Variants in MEF2A observed in about 807,000 individuals in gnomAD.
MEF2A encodes the protein myocyte-specific enhancer factor 2A.
MEF2A carries 28 observed loss-of-function variants against 55.8 expected under a neutral mutation model. The ratio of observed to expected loss-of-function variants is 0.50; its 90% confidence interval spans 0.37 to 0.69. MEF2A has a LOEUF of 0.69. Among genes scored for constraint, MEF2A ranks in the 30% least tolerant of loss-of-function variants. The pLI is 0.00. For missense variants in MEF2A, 528 were observed against 626.2 expected, an observed-to-expected ratio of 0.84 and a Z score of 1.67; for synonymous variants, 239 against 227.1, an observed-to-expected ratio of 1.05 and a Z score of -0.47.
At chr15:99,674,335 T>G (rs1434588841) in intron 5 of MEF2A, 58 bp from the exon 6 acceptor site, 6 of 1,479,910 alleles carry the variant, frequency 4.1e-6, no homozygotes, top group Non-Finnish European at 5.5e-6. Flanking sequence ...AGTTCAAAAG[T>G]TACTTTGTAG....
At chr15:99,675,583 A>G in intron 7 of MEF2A, 125 bp downstream of exon 7, 1 of 752,438 alleles carries the variant, frequency 1.3e-6, no homozygotes, top group East Asian at 2.6e-5. Context: ...TAATACATCA[A>G]GATAATTTCT....
At chr15:99,652,516 G>A (rs1239654171) in intron 4 of MEF2A, among the ~76,000 whole-genome samples, 1 of 152,094 alleles carries the variant, frequency 6.6e-6, no homozygotes, top group Non-Finnish European at 1.5e-5. Flanking sequence ...TAGGTCAGAG[G>A]GGCAGCTTAT....
chr15:99,579,445 A>G (rs546979793), intron 1 of MEF2A, among the ~76,000 whole-genome samples: 1 of 151,982 alleles, frequency 6.6e-6, no homozygotes, highest in Non-Finnish European at 1.5e-5. Flanking sequence ...CCCAGGCTGG[A>G]ATGCAGTGGC....
chr15:99,694,036 G>C (rs1178544516), intron 8 of MEF2A, among the ~76,000 whole-genome samples: 1 of 152,150 alleles, frequency 6.6e-6, no homozygotes, highest in African/African-American at 2.4e-5. Flanking sequence ...AATTTATTCA[G>C]ATTTACTTAT....
chr15:99,682,611 A>C lies in MEF2A; in HGVS notation c.670+7153A>C, dbSNP rs111863314. Among the ~76,000 whole-genome samples, 1,437 of 152,318 alleles carry C rather than the reference A, an allele frequency of 9.4e-3. 19 individuals are homozygous for C. The highest frequency in any genetic ancestry group is 0.031 in the African/African-American group (1,295 of 41,562). The stretch of plus-strand genomic sequence containing the variant: ...GTGCATAGGAGATTCTCTTAGCTTC[A>C]GCCTGGCAAGTTACCAAACACTTAC... On this transcript the variant is annotated intron_variant, in intron 7 of 11. Coordinates refer to ENST00000557942, the MANE Select transcript of MEF2A (RefSeq NM_001319206.4).
At chr15:99,602,755 CGTGTGTGTGTGTGTGTGTGTGTGTGT>C (rs58540017) in intron 2 of MEF2A, among the ~76,000 whole-genome samples, 1 of 16,714 alleles carries the variant, frequency 6.0e-5, no homozygotes, top group African/African-American at 2.2e-4. Flanking sequence ...GGGAGCTTTT[CGTGTGTGTGTGTGTGTGTGTGTGTGT>C]GTGTGTGTGT....
intron 1 of MEF2A, among the ~76,000 whole-genome samples, chr15:99,567,081 G>A (rs1252125122): frequency 1.3e-5 from 2 of 152,240 alleles, no homozygotes; most frequent in Non-Finnish European, 2.9e-5. Context: ...TGTAACTATA[G>A]AATTGTTGCT....
rs533318812 is a variant in MEF2A at position 99,574,337 on chromosome 15, A to G, written c.-225+8233A>G. Among the ~76,000 whole-genome samples, 4 of 152,266 alleles carry G rather than the reference A, an allele frequency of 2.6e-5. No homozygotes were observed. In the South Asian group the frequency reaches 8.3e-4, roughly 32 times the overall value. ...CAGTTTCGTGGAAGACAATTTTTCC[A>G]TGAATGGTGGGGGGAGGGGATGGTT... is the stretch of plus-strand genomic sequence containing the variant. On this transcript the variant is annotated intron_variant, in intron 1 of 11. Coordinates refer to ENST00000557942, the MANE Select transcript of MEF2A (RefSeq NM_001319206.4).
chr15:99,708,376 G>A (rs867094300), intron 10 of MEF2A, among the ~76,000 whole-genome samples: 2 of 152,156 alleles, frequency 1.3e-5, no homozygotes, highest in Non-Finnish European at 2.9e-5. Flanking sequence ...TTTCATTACA[G>A]GTTTTTCAGT....
intron 3 of MEF2A, 69 bp downstream of exon 3, chr15:99,633,242 G>T: frequency 8.9e-7 from 1 of 1,127,932 alleles, no homozygotes; most frequent in Non-Finnish European, 1.2e-6. Flanking sequence ...AGGACAGAAT[G>T]GTTGGGTTTT....
intron 2 of MEF2A, among the ~76,000 whole-genome samples, chr15:99,630,520 A>C (rs1420807957): frequency 6.6e-6 from 1 of 152,090 alleles, no homozygotes; most frequent in Non-Finnish European, 1.5e-5. Flanking sequence ...CATTATCTGG[A>C]TCTACTGTGA....
intron 8 of MEF2A, among the ~76,000 whole-genome samples, chr15:99,700,706 T>C (rs1417037706): frequency 6.6e-6 from 1 of 152,098 alleles, no homozygotes; most frequent in Non-Finnish European, 1.5e-5. Flanking sequence ...TGGTTTGTTG[T>C]AGAGCTGGGG....
chr15:99,666,514 C>T (rs1361012516), intron 4 of MEF2A, among the ~76,000 whole-genome samples: 2 of 151,076 alleles, frequency 1.3e-5, no homozygotes, highest in Admixed American at 6.6e-5. Flanking sequence ...AGCAAGCCAC[C>T]ATGGCACATG....
At chr15:99,701,571 T>G (rs893334428) in intron 8 of MEF2A, among the ~76,000 whole-genome samples, 61 of 152,358 alleles carry the variant, frequency 4.0e-4, no homozygotes, top group African/African-American at 1.4e-3. Context: ...TCCAAAGCTT[T>G]AATTGGTGCT....
intron 4 of MEF2A, among the ~76,000 whole-genome samples, chr15:99,667,290 C>T (rs543848454): frequency 2.2e-4 from 34 of 152,042 alleles, no homozygotes; most frequent in Admixed American, 1.8e-3. Context: ...GGCACGATCT[C>T]GCTCACTGCA....
At chr15:99,685,066 C>G (rs949626210) in intron 7 of MEF2A, among the ~76,000 whole-genome samples, 1 of 152,172 alleles carries the variant, frequency 6.6e-6, no homozygotes, top group African/African-American at 2.4e-5. Context: ...TGTATTTATG[C>G]CAGTACCTTG....
In MEF2A at chr15:99,713,172, C is replaced by G. The variant is rs997474713; in HGVS notation, c.*401C>G. The G allele has an allele frequency of 9.7e-6, 4 of 412,538 alleles. No individual in the cohort carries two copies. The highest frequency in any genetic ancestry group is 8.2e-5 in the African/African-American group (4 of 48,966). The allele number at this position is 412,538 out of a possible 1,614,324, so 25.6% of individuals were successfully genotyped here. On this transcript the variant is annotated 3_prime_UTR_variant, in exon 12 of 12. Coordinates refer to ENST00000557942, the MANE Select transcript of MEF2A (RefSeq NM_001319206.4). ...CTTGTTTTATTTAACTGTGCAGTGA[C>G]TGTAGTTACTTAAGAGAAAATGCTT...
intron 1 of MEF2A, among the ~76,000 whole-genome samples, chr15:99,567,352 TA>T (rs1960119954): frequency 6.6e-6 from 1 of 152,218 alleles, no homozygotes; most frequent in African/African-American, 2.4e-5. Context: ...CATCTATTAC[TA>T]TATGAAGAGG....
intron 3 of MEF2A, among the ~76,000 whole-genome samples, chr15:99,637,963 A>G (rs2044187321): frequency 6.6e-6 from 1 of 152,102 alleles, no homozygotes; most frequent in Non-Finnish European, 1.5e-5. Context: ...TATTGTAGCC[A>G]TCCTGATGGG....
Sources: gnomAD v4.1 joint callset for allele counts (sites outside exome capture counted in the v4.1 genomes callset) on GRCh38, gnomAD v4.1.1 for gene constraint, MANE v1.5 for transcripts, NCBI Gene and HGNC (gene_info 2026-07-23, HGNC 2026-07-21) for gene names.